The following RRP1 variants were observed in gnomAD, a reference collection of about 807,000 sequenced individuals.
RRP1 encodes the protein ribosomal RNA processing protein 1 homolog A.
In RRP1, 37 loss-of-function variants were observed where a neutral mutation model predicts 54.6. That is an observed-to-expected ratio of 0.68 (90% CI 0.52 to 0.89). The LOEUF is 0.89. Among genes scored for constraint, RRP1 ranks in the 40% least tolerant of loss-of-function variants. The pLI is 0.00. For synonymous variants in RRP1, 262 were observed against 244.3 expected, an observed-to-expected ratio of 1.07 and a Z score of -0.67; for missense variants, 639 against 612.5, an observed-to-expected ratio of 1.04 and a Z score of -0.46.
chr21:43,800,022 C>CA (rs2085069215), intron 9 of RRP1, among the ~76,000 whole-genome samples: 1 of 152,376 alleles, frequency 6.6e-6, no homozygotes, highest in East Asian at 1.9e-4. Flanking sequence ...TGGCATGTGC[C>CA]AAGCGGCTGG....
At chr21:43,792,548 C>A (rs1356139308) in intron 2 of RRP1, 124 bp from the exon 3 acceptor site, 3 of 924,980 alleles carry the variant, frequency 3.2e-6, no homozygotes, top group African/African-American at 3.3e-5. Context: ...GAGCTGAGAC[C>A]CCCTGGAAGC....
Position 43,791,425 on chromosome 21 carries a change from T to G in RRP1, c.209T>G (p.Leu70Arg). The change falls in exon 2 of 13, where the codon CTC becomes CGC. Residue 70 changes from leucine (L) to arginine (R), a missense_variant. Transcript: ENST00000497547. Reference protein sequence around the residue: ...FYCMWMQDKPLLQEELGRTIS... With the variant: ...FYCMWMQDKPRLQEELGRTIS... ...TGCATGTGGATGCAGGACAAGCCAC[T>G]CCTCCAGGTGAGTGGGGGGAGCAGC... 6.2e-7 allele frequency: 1 copy of G among 1,613,978 alleles called. No homozygotes were observed. The highest frequency in any genetic ancestry group is 8.5e-7 in the Non-Finnish European group (1 of 1,179,928).
At chr21:43,791,926 G>T (rs2084963935) in intron 2 of RRP1, among the ~76,000 whole-genome samples, 1 of 152,212 alleles carries the variant, frequency 6.6e-6, no homozygotes, top group Admixed American at 6.5e-5. Flanking sequence ...CTGAGGTGTT[G>T]ATGTGATTGA....
chr21:43,790,244 T>C (rs1246173169), intron 1 of RRP1, among the ~76,000 whole-genome samples: 2 of 152,184 alleles, frequency 1.3e-5, no homozygotes, highest in East Asian at 1.9e-4. Flanking sequence ...CCATCAGCAG[T>C]AGCATCCCCT....
intron 5 of RRP1, 151 bp from the exon 6 acceptor site, chr21:43,797,271 T>A: frequency 7.6e-7 from 1 of 1,323,704 alleles, no homozygotes; most frequent in Non-Finnish European, 1.0e-6. Context: ...TGATATCATC[T>A]GCGTGGACTT....
chr21:43,793,444 C>T (rs377729718), intron 4 of RRP1, 40 bp downstream of exon 4: 111 of 1,567,680 alleles, frequency 7.1e-5, no homozygotes, highest in Middle Eastern at 3.6e-4. Flanking sequence ...GGGGGCAGCG[C>T]GGGTCTCAGT....
intron 4 of RRP1, 24 bp from the exon 5 acceptor site, chr21:43,795,165 T>C (rs2838371): frequency 0.48 from 770,296 of 1,605,704 alleles, 197,191 homozygotes; most frequent in East Asian, 0.76. Context: ...CTTCTGCTAA[T>C]GCCAACCTCC....
intron 8 of RRP1, 96 bp from the exon 9 acceptor site, chr21:43,799,474 C>A: frequency 7.6e-7 from 1 of 1,322,856 alleles, no homozygotes; most frequent in Non-Finnish European, 1.1e-6. Flanking sequence ...GCCCGTGCTC[C>A]GACCAGGGTG....
intron 11 of RRP1, among the ~76,000 whole-genome samples, chr21:43,802,038 CT>C (rs1460956308): frequency 2.0e-5 from 3 of 152,156 alleles, no homozygotes; most frequent in African/African-American, 7.2e-5. Flanking sequence ...ACGCTCTATG[CT>C]GTACCTGTGT....
chr21:43,792,557 G>T lies in RRP1; in HGVS notation c.217-115G>T, dbSNP rs537367825. On this transcript the variant is annotated intron_variant, in intron 2 of 12. Transcript: ENST00000497547. Reference sequence around the variant, plus strand: ...TGCACTGAGCTGAGACCCCCTGGAAGCCGACTCTCTGTGATGAGTGAGTGA... The same window carrying T: ...TGCACTGAGCTGAGACCCCCTGGAATCCGACTCTCTGTGATGAGTGAGTGA... 3.8e-5 allele frequency: 39 copies of T among 1,024,498 alleles called. No individual in the cohort carries two copies. The African/African-American group carries it at 5.4e-4, about 14-fold the overall frequency. 63.5% of individuals were successfully genotyped at this position (1,024,498 alleles called of 1,614,324 possible).
chr21:43,800,697 C>G lies in RRP1; in HGVS notation c.989+83C>G. On this transcript the variant is annotated intron_variant, in intron 10 of 12. Transcript: ENST00000497547. ...TCAGATCTGGGTGCCTTTGCCTTGT[C>G]CTGGGCCCTTCCGCAGCCCCCGGGG... The G allele has an allele frequency of 1.6e-5, 25 of 1,525,268 alleles. No individual in the cohort carries two copies. The South Asian group carries it at 2.8e-4, about 17-fold the overall frequency. The allele number at this position is 1,525,268 out of a possible 1,614,324, so 94.5% of individuals were successfully genotyped here. A position where few individuals can be genotyped will look rare whatever the true frequency, so the allele number is the denominator to read the frequency against.
At chr21:43,802,745 C>T (rs1348446908) in intron 12 of RRP1, among the ~76,000 whole-genome samples, 1 of 152,248 alleles carries the variant, frequency 6.6e-6, no homozygotes, top group African/African-American at 2.4e-5. Context: ...AGTCTCTCCA[C>T]GTCTTCCTTC....
Position 43,804,751 on chromosome 21 carries a change from G to A in RRP1, c.*977G>A, listed in dbSNP as rs2085127528. The A allele has an allele frequency of 6.6e-6, 1 of 152,372 alleles. No homozygotes were observed. The highest frequency in any genetic ancestry group is 1.5e-5 in the Non-Finnish European group (1 of 68,162). The allele number at this position is 152,372 out of a possible 1,614,324, so 9.4% of individuals were successfully genotyped here. A position where few individuals can be genotyped will look rare whatever the true frequency, so the allele number is the denominator to read the frequency against. On this transcript the variant is annotated 3_prime_UTR_variant, in exon 13 of 13. Transcript: ENST00000497547. This position sits in a 1 kb window ranked among gnomAD's most constrained non-coding sequence, Gnocchi z 4.3. ...CTTGGAGTGGGCCTGGGACCAGGAA[G>A]GACCTCTAGGCTGTGGCTGGCCTTG...
intron 4 of RRP1, among the ~76,000 whole-genome samples, chr21:43,793,823 A>G (rs1264385220): frequency 1.3e-5 from 2 of 152,112 alleles, no homozygotes; most frequent in Admixed American, 1.3e-4. Flanking sequence ...ACAGTGTGGG[A>G]CTTCCTTTCC....
rs375793237 is a variant in RRP1, at chr21:43,803,662, G to A, written c.1274G>A (p.Arg425His). Residue 425 changes from arginine (R) to histidine (H), a missense_variant, in exon 13 of 13, where the codon CGT (arginine) becomes CAT (histidine). Transcript: ENST00000497547. The part of the protein sequence containing the change: ...RALLRDQPRG[R>H]GQRGARQRRR... ...CTGCTCCGAGATCAGCCCAGGGGCCGTGGCCAGAGAGGGGCTCGCCAGAGA... is the reference window on the plus strand; with the variant it reads ...CTGCTCCGAGATCAGCCCAGGGGCCATGGCCAGAGAGGGGCTCGCCAGAGA... The A allele has an allele frequency of 5.9e-5, 92 of 1,551,810 alleles. No individual in the cohort carries two copies. The African/African-American group carries it at 1.0e-3, about 17-fold the overall frequency.
chr21:43,802,023 C>T (rs145934250), intron 11 of RRP1, among the ~76,000 whole-genome samples: 183 of 152,226 alleles, frequency 1.2e-3, no homozygotes, highest in Middle Eastern at 6.8e-3. Flanking sequence ...CATTTGGGGT[C>T]GTGGACGCTC....
intron 2 of RRP1, 148 bp from the exon 3 acceptor site, chr21:43,792,524 A>G: frequency 1.3e-6 from 1 of 752,316 alleles, no homozygotes; most frequent in East Asian, 2.5e-5. Context: ...CAGGGGTGAA[A>G]CCTCCAGTGC....
intron 9 of RRP1, among the ~76,000 whole-genome samples, 155 bp downstream of exon 9, chr21:43,799,804 C>T (rs1268359698): frequency 6.6e-6 from 1 of 152,150 alleles, no homozygotes; most frequent in African/African-American, 2.4e-5. Flanking sequence ...GGGATGGGTG[C>T]CCCAACCCTG....
chr21:43,795,141 G>A (rs774020991), intron 4 of RRP1, 48 bp from the exon 5 acceptor site: 6 of 1,573,782 alleles, frequency 3.8e-6, no homozygotes, highest in East Asian at 2.2e-5. Flanking sequence ...GTGGTCTGGC[G>A]AAGTAGGGCT....
Sources: allele counts gnomAD v4.1 joint callset (sites outside exome capture counted in the v4.1 genomes callset), GRCh38; gene constraint gnomAD v4.1.1; non-coding constraint Gnocchi (gnomAD v3.1); transcripts MANE v1.5; gene names NCBI Gene and HGNC (gene_info 2026-07-23, HGNC 2026-07-21).